Variants in FBXW2 observed in about 807,000 individuals in gnomAD.
The protein encoded by FBXW2 is F-box/WD repeat-containing protein 2.
In FBXW2, 12 loss-of-function variants were observed where a neutral mutation model predicts 46.0. The observed-to-expected ratio is 0.26, with a 90% CI of 0.17 to 0.42. The LOEUF is 0.42. Among genes scored for constraint, FBXW2 ranks in the 10% least tolerant of loss-of-function variants. The probability of loss-of-function intolerance (pLI) is 1.00; values close to 1 mark genes in which losing one functional copy is unlikely to be tolerated. For missense variants in FBXW2, 360 were observed against 537.0 expected (o/e 0.67, Z 3.26); for synonymous variants, 203 against 209.6 (o/e 0.97, Z 0.27).
rs114227706 is a variant in FBXW2 at position 120,769,181 on chromosome 9, C to T, written c.1076+2167G>A. 4.8e-3 allele frequency among the ~76,000 whole-genome samples: 735 copies of T among 152,284 alleles called. 8 individuals carry two copies. Among genetic ancestry groups the T allele is most frequent in the African/African-American group, 0.017 (702 of 41,574 alleles). On this transcript the variant is annotated intron_variant, in intron 7 of 7. Transcript: ENST00000608872. ...GTAACATGCTGTTATTTGTGCTTTGCTTCTTTTCAATTAGCTTCAAAGCTA... is the reference window on the plus strand; with the variant it reads ...GTAACATGCTGTTATTTGTGCTTTGTTTCTTTTCAATTAGCTTCAAAGCTA...
chr9:120,784,410 G>A (rs1026083329), intron 3 of FBXW2, among the ~76,000 whole-genome samples: 7 of 152,038 alleles, frequency 4.6e-5, no homozygotes, highest in South Asian at 2.1e-4. Flanking sequence ...CCAGGAGTTC[G>A]AGACCAGCCT....
At chr9:120,791,006 T>C (rs930466806) in intron 2 of FBXW2, among the ~76,000 whole-genome samples, 1 of 152,246 alleles carries the variant, frequency 6.6e-6, no homozygotes, top group African/African-American at 2.4e-5. Context: ...CTTGTAAGAT[T>C]GAGCAGTTCA....
At chr9:120,773,928 T>C (rs1347813049) in intron 5 of FBXW2, among the ~76,000 whole-genome samples, 1 of 152,188 alleles carries the variant, frequency 6.6e-6, no homozygotes, top group African/African-American at 2.4e-5. Context: ...CAGTGGCTCA[T>C]GCCTATAATC....
intron 7 of FBXW2, among the ~76,000 whole-genome samples, chr9:120,768,018 A>G (rs919485118): frequency 1.3e-5 from 2 of 152,106 alleles, no homozygotes; most frequent in Non-Finnish European, 2.9e-5. Context: ...CCTTGTTTCA[A>G]CTTCTAAACT....
intron 3 of FBXW2, among the ~76,000 whole-genome samples, chr9:120,781,281 T>C (rs984083435): frequency 1.3e-3 from 193 of 152,138 alleles, no homozygotes; most frequent in African/African-American, 4.3e-3. Context: ...TATCTCTATA[T>C]GCAACACAAA....
In FBXW2 at chr9:120,793,378, G is replaced by T; in HGVS notation, c.-154C>A. On this transcript the variant is annotated 5_prime_UTR_variant, in exon 1 of 8. Transcript: ENST00000608872. The stretch of plus-strand genomic sequence containing the variant: ...CCCGGACCTGCGGCCGCTGCTCCCG[G>T]TCCGCAGCCTCACAGGGGAGCGGCT... 2 of 400,814 alleles carry T rather than the reference G, an allele frequency of 5.0e-6. No individual in the cohort carries two copies. Among genetic ancestry groups the T allele is most frequent in the Non-Finnish European group, 8.8e-6 (2 of 227,504 alleles). The allele number at this position is 400,814 out of a possible 1,614,324, so 24.8% of individuals were successfully genotyped here.
At chr9:120,784,068 C>G (rs1056818788) in intron 3 of FBXW2, among the ~76,000 whole-genome samples, 1 of 152,178 alleles carries the variant, frequency 6.6e-6, no homozygotes, top group Admixed American at 6.5e-5. Context: ...TAAACTAATA[C>G]TTTGGATCAT....
At chr9:120,788,366 T>TA in intron 2 of FBXW2, 88 bp from the exon 3 acceptor site, 1 of 1,298,538 alleles carries the variant, frequency 7.7e-7, no homozygotes, top group East Asian at 2.3e-5. Flanking sequence ...AAAATTAGTG[T>TA]AAAAAATCTG....
At chr9:120,785,011 TA>T (rs1010731262) in intron 3 of FBXW2, among the ~76,000 whole-genome samples, 4 of 151,290 alleles carry the variant, frequency 2.6e-5, no homozygotes, top group South Asian at 4.2e-4. Flanking sequence ...TGCATCTTAA[TA>T]TTTTTTTTTT....
At position 120,773,740 on chromosome 9, in the gene FBXW2, A is replaced by G. The variant is rs181496216; in HGVS notation, c.820-900T>C. Among the ~76,000 whole-genome samples, 844 of 152,292 alleles carry G rather than the reference A, an allele frequency of 5.5e-3. 11 individuals carry two copies. The highest frequency in any genetic ancestry group is 0.019 in the African/African-American group (796 of 41,550). On this transcript the variant is annotated intron_variant, in intron 5 of 7. Coordinates refer to ENST00000608872, the MANE Select transcript of FBXW2 (RefSeq NM_012164.4). ...GCACCTTGCTGGGTGCTGTCCCAAC[A>G]TTTCATTTCGTGTTCACAGGAACAT...
intron 3 of FBXW2, among the ~76,000 whole-genome samples, chr9:120,786,773 T>C (rs1376040491): frequency 6.6e-6 from 1 of 152,234 alleles, no homozygotes; most frequent in Non-Finnish European, 1.5e-5. Flanking sequence ...AAGAATTATT[T>C]ACATTGCCTG....
chr9:120,792,879 A>G, intron 2 of FBXW2: 2 of 1,513,986 alleles, frequency 1.3e-6, no homozygotes, highest in Non-Finnish European at 1.8e-6. Flanking sequence ...AGCACCCCAC[A>G]TACACACCTG....
chr9:120,788,822 G>A (rs1416037506), intron 2 of FBXW2, among the ~76,000 whole-genome samples: 5 of 152,144 alleles, frequency 3.3e-5, no homozygotes, highest in Admixed American at 6.5e-5. Context: ...CTGACTACTT[G>A]GTTTTGCAAC....
Position 120,764,227 on chromosome 9 carries a change from G to A in FBXW2, c.*332C>T, listed in dbSNP as rs1260527206. On this transcript the variant is annotated 3_prime_UTR_variant, in exon 8 of 8. Transcript: ENST00000608872. ...TGATTTCATAGGCAACCAATTAGCA[G>A]ATTAATGGATCATTTAACTTTCTTT... 3 of 406,534 alleles carry A rather than the reference G, an allele frequency of 7.4e-6. No individual in the cohort carries two copies. The highest frequency in any genetic ancestry group is 4.1e-5 in the Admixed American group (1 of 24,118). The allele number at this position is 406,534 out of a possible 1,614,324, so 25.2% of individuals were successfully genotyped here. A position where few individuals can be genotyped will look rare whatever the true frequency, so the allele number is the denominator to read the frequency against.
At chr9:120,786,650 G>T (rs2044729965) in intron 3 of FBXW2, among the ~76,000 whole-genome samples, 1 of 152,130 alleles carries the variant, frequency 6.6e-6, no homozygotes. Context: ...TTTATTGGAA[G>T]TTATCTTGGA....
At chr9:120,773,712 C>G (rs956901246) in intron 5 of FBXW2, among the ~76,000 whole-genome samples, 2 of 152,214 alleles carry the variant, frequency 1.3e-5, no homozygotes. Context: ...TACTAAGTAT[C>G]AGGCACCTTG....
chr9:120,765,138 A>G (rs1475734100), intron 7 of FBXW2, among the ~76,000 whole-genome samples: 2 of 148,112 alleles, frequency 1.4e-5, no homozygotes, highest in African/African-American at 5.0e-5. Context: ...TGTGTTGCCC[A>G]CACTGGAGTA....
intron 5 of FBXW2, among the ~76,000 whole-genome samples, chr9:120,774,700 A>C (rs1244813586): frequency 6.6e-6 from 1 of 152,198 alleles, no homozygotes; most frequent in African/African-American, 2.4e-5. Context: ...ACTTGTGCCC[A>C]ACTCTAGTCC....
At chr9:120,791,842 C>T (rs1490825568) in intron 2 of FBXW2, among the ~76,000 whole-genome samples, 5 of 152,110 alleles carry the variant, frequency 3.3e-5, no homozygotes, top group Admixed American at 3.3e-4. Flanking sequence ...TACGTCCCTA[C>T]CCCAGAGTTA....
Sources: gnomAD v4.1 joint callset for allele counts (sites outside exome capture counted in the v4.1 genomes callset) on GRCh38, gnomAD v4.1.1 for gene constraint, MANE v1.5 for transcripts, NCBI Gene and HGNC (gene_info 2026-07-23, HGNC 2026-07-21) for gene names.